KCNB2: variants seen among roughly 807,000 people sequenced by gnomAD.
KCNB2 encodes delayed rectifier potassium channel protein.
In KCNB2, 15 loss-of-function variants were observed where a neutral mutation model predicts 61.5. The ratio of observed to expected loss-of-function variants is 0.24; its 90% CI spans 0.16 to 0.38. The LOEUF is 0.38. KCNB2 is among the 10% of genes least tolerant of loss of function. KCNB2 has a pLI of 1.00. For missense variants in KCNB2, 828 were observed against 1,125.2 expected (o/e 0.74, Z 3.78); for synonymous variants, 457 against 446.0 (o/e 1.02, Z -0.31).
intron 1 of KCNB2, among the ~76,000 whole-genome samples, chr8:72,548,164 A>G (rs548583542): frequency 3.9e-4 from 60 of 152,298 alleles, no homozygotes; most frequent in African/African-American, 1.3e-3. Flanking sequence ...TTTTATAAAC[A>G]TTACCTTTAC....
chr8:72,840,058 C>T (rs2129002529), intron 2 of KCNB2, among the ~76,000 whole-genome samples: 1 of 152,296 alleles, frequency 6.6e-6, no homozygotes, highest in East Asian at 1.9e-4. Flanking sequence ...TCTCCCTCCC[C>T]TAGCCCCCCA....
At chr8:72,911,080 A>C (rs2129007425) in intron 2 of KCNB2, among the ~76,000 whole-genome samples, 1 of 152,348 alleles carries the variant, frequency 6.6e-6, no homozygotes, top group South Asian at 2.1e-4. Flanking sequence ...AACTCTATAT[A>C]GCATCAGTAG....
At chr8:72,541,797 T>C (rs971760455) in intron 1 of KCNB2, among the ~76,000 whole-genome samples, 27 of 152,184 alleles carry the variant, frequency 1.8e-4, no homozygotes, top group African/African-American at 6.5e-4. Context: ...CTGATGCAGA[T>C]GATCTCATTG....
chr8:72,622,855 G>C (rs188744625), intron 2 of KCNB2, among the ~76,000 whole-genome samples: 2 of 152,206 alleles, frequency 1.3e-5, no homozygotes, highest in Admixed American at 6.5e-5. Context: ...AGAAAGTCCC[G>C]TAGTAAAGCT....
chr8:72,561,725 A>ATATATATATATATGTG (rs1806523781), intron 1 of KCNB2, among the ~76,000 whole-genome samples: 2 of 28,358 alleles, frequency 7.1e-5, no homozygotes, highest in Non-Finnish European at 1.2e-4. Flanking sequence ...ATATATATAT[A>ATATATATATATATGTG]TATCTATATC....
chr8:72,572,054 C>G (rs909230794), intron 2 of KCNB2, among the ~76,000 whole-genome samples: 3 of 152,106 alleles, frequency 2.0e-5, no homozygotes, highest in Non-Finnish European at 4.4e-5. Flanking sequence ...ATATTCTCAG[C>G]CTTCGGGATG....
At chr8:72,614,462 C>T (rs1044178244) in intron 2 of KCNB2, among the ~76,000 whole-genome samples, 2 of 152,134 alleles carry the variant, frequency 1.3e-5, no homozygotes, top group South Asian at 2.1e-4. Flanking sequence ...ATTTCTTGTG[C>T]TGTTAAAGGA....
intron 2 of KCNB2, among the ~76,000 whole-genome samples, chr8:72,887,762 A>T (rs906153314): frequency 1.3e-5 from 2 of 152,154 alleles, no homozygotes; most frequent in African/African-American, 4.8e-5. Flanking sequence ...ATCCAACCCA[A>T]CCTTGTCCCA....
At chr8:72,645,277 A>G (rs928950394) in intron 2 of KCNB2, among the ~76,000 whole-genome samples, 4 of 152,104 alleles carry the variant, frequency 2.6e-5, no homozygotes, top group Non-Finnish European at 5.9e-5. Context: ...TATATATACT[A>G]GGTCTGTACC....
intron 1 of KCNB2, among the ~76,000 whole-genome samples, chr8:72,562,569 G>C (rs1806554608): frequency 6.6e-6 from 1 of 152,116 alleles, no homozygotes. Context: ...TCAACAAACT[G>C]CCAAGAGAAA....
intron 2 of KCNB2, among the ~76,000 whole-genome samples, chr8:72,846,213 C>T (rs1300658508): frequency 2.6e-5 from 4 of 152,138 alleles, no homozygotes; most frequent in South Asian, 2.1e-4. Flanking sequence ...TTCCTCCACC[C>T]CTTGTGCTTC....
intron 2 of KCNB2, among the ~76,000 whole-genome samples, chr8:72,912,141 G>A (rs1390029161): frequency 6.6e-6 from 1 of 152,178 alleles, no homozygotes; most frequent in Non-Finnish European, 1.5e-5. Flanking sequence ...GCATCTTCAT[G>A]TGGGTCATTT....
chr8:72,674,732 C>A (rs1181082376), intron 2 of KCNB2, among the ~76,000 whole-genome samples: 1 of 152,132 alleles, frequency 6.6e-6, no homozygotes, highest in African/African-American at 2.4e-5. Flanking sequence ...GAAACACTAA[C>A]TTCTGACTGC....
chr8:72,740,641 G>A (rs1807936832), intron 2 of KCNB2, among the ~76,000 whole-genome samples: 1 of 152,156 alleles, frequency 6.6e-6, no homozygotes. Flanking sequence ...ATACAATCTT[G>A]ACTTTCTTCA....
At chr8:72,906,805 T>C (rs1439162571) in intron 2 of KCNB2, among the ~76,000 whole-genome samples, 2 of 152,214 alleles carry the variant, frequency 1.3e-5, no homozygotes, top group Admixed American at 6.5e-5. Flanking sequence ...CCTGTCCTTG[T>C]AGGACGCACT....
intron 2 of KCNB2, among the ~76,000 whole-genome samples, chr8:72,768,636 T>C (rs1808501257): frequency 6.6e-6 from 1 of 152,172 alleles, no homozygotes; most frequent in Non-Finnish European, 1.5e-5. Flanking sequence ...GAAATCATTC[T>C]AATCCAAGAT....
chr8:72,869,109 G>A (rs905191898), intron 2 of KCNB2, among the ~76,000 whole-genome samples: 2 of 152,176 alleles, frequency 1.3e-5, no homozygotes, highest in Non-Finnish European at 2.9e-5. Context: ...AAGAGGAAAC[G>A]CATCTAGCTC....
chr8:72,931,405 C>T (rs1218827055), intron 2 of KCNB2, among the ~76,000 whole-genome samples: 1 of 152,132 alleles, frequency 6.6e-6, no homozygotes, highest in African/African-American at 2.4e-5. Context: ...GCCATTTTCA[C>T]GATATTGATT....
At chr8:72,725,512 T>C (rs1044135029) in intron 2 of KCNB2, among the ~76,000 whole-genome samples, 1 of 33,254 alleles carries the variant, frequency 3.0e-5, no homozygotes, top group East Asian at 5.8e-4. Flanking sequence ...TTTGTCTTCA[T>C]ATATATATAT....
Sources: allele counts gnomAD v4.1 joint callset (sites outside exome capture counted in the v4.1 genomes callset), GRCh38; gene constraint gnomAD v4.1.1; transcripts MANE v1.5; gene names NCBI Gene and HGNC (gene_info 2026-07-23, HGNC 2026-07-21).